The following ISCA1 variants were observed in gnomAD, a reference collection of about 807,000 sequenced individuals.
ISCA1 encodes the protein iron-sulfur cluster assembly 1.
In ISCA1, 9 loss-of-function variants were observed where a neutral mutation model predicts 14.7. The ratio of observed to expected loss-of-function variants is 0.61; its 90% CI spans 0.37 to 1.07. The LOEUF (loss-of-function observed/expected upper bound fraction) is 1.07, where lower values mean the gene tolerates loss of function less well. ISCA1 is among the 50% of genes least tolerant of loss of function. ISCA1 has a pLI of 0.01. For synonymous variants in ISCA1, 38 were observed against 54.3 expected (o/e 0.70, Z 1.32); for missense variants, 102 against 150.1 (o/e 0.68, Z 1.67).
intron 3 of ISCA1, among the ~76,000 whole-genome samples, chr9:86,268,863 C>T (rs576918781): frequency 3.9e-5 from 6 of 152,274 alleles, no homozygotes; most frequent in South Asian, 2.1e-4. Context: ...GGCATGGTCT[C>T]GGCTCACTGC....
Position 86,265,931 on chromosome 9 carries a change from T to A in ISCA1, c.*112A>T. The A allele has an allele frequency of 6.7e-7, 1 of 1,483,614 alleles. No individual in the cohort carries two copies. The highest frequency in any genetic ancestry group is 1.1e-5 in the South Asian group (1 of 87,580). The allele number at this position is 1,483,614 out of a possible 1,614,324, so 91.9% of individuals were successfully genotyped here. ...GGAATCCAACACACTGGATTCATTTTCAAGATGTATCACTTTATTTTCCAG... is the reference window on the plus strand; with the variant it reads ...GGAATCCAACACACTGGATTCATTTACAAGATGTATCACTTTATTTTCCAG... On this transcript the variant is annotated 3_prime_UTR_variant, in exon 4 of 4. Transcript: ENST00000375991.
intron 1 of ISCA1, among the ~76,000 whole-genome samples, chr9:86,278,980 C>T (rs921150447): frequency 3.9e-5 from 6 of 152,194 alleles, no homozygotes; most frequent in African/African-American, 1.4e-4. Context: ...CTCTCACGTA[C>T]TTAACCGTTC....
chr9:86,267,149 C>T (rs879426493), intron 3 of ISCA1: 24 of 192,768 alleles, frequency 1.2e-4, no homozygotes, highest in Non-Finnish European at 2.0e-4. Context: ...TGCTTGAGCC[C>T]GGGAGACAGA....
Position 86,266,004 on chromosome 9 carries a change from A to C in ISCA1, c.*39T>G. 6.2e-7 allele frequency: 1 copy of C among 1,611,798 alleles called. No individual in the cohort carries two copies. Among genetic ancestry groups the C allele is most frequent in the East Asian group, 2.2e-5 (1 of 44,890 alleles). Reference sequence around the variant, plus strand: ...TGCAGTGAGCCCCAAAGCTTCCACGAGCTTTCCTGGAACCTACGGCCAGAA... The same window carrying C: ...TGCAGTGAGCCCCAAAGCTTCCACGCGCTTTCCTGGAACCTACGGCCAGAA... On this transcript the variant is annotated 3_prime_UTR_variant, in exon 4 of 4. Transcript: ENST00000375991.
At chr9:86,269,278 C>G (rs570134900) in intron 3 of ISCA1, among the ~76,000 whole-genome samples, 29 of 152,330 alleles carry the variant, frequency 1.9e-4, no homozygotes, top group Admixed American at 6.5e-4. Context: ...AAATCACAAG[C>G]ATTCTTATAC....
intron 3 of ISCA1, among the ~76,000 whole-genome samples, chr9:86,268,482 A>G (rs570072201): frequency 3.3e-5 from 5 of 151,954 alleles, no homozygotes; most frequent in South Asian, 4.1e-4. Flanking sequence ...ACAAAGTAAA[A>G]AAGTTTCAGT....
At chr9:86,282,090 G>T in intron 1 of ISCA1, 1 of 456,748 alleles carries the variant, frequency 2.2e-6, no homozygotes, top group Non-Finnish European at 3.9e-6. Context: ...TCGGCCCCCG[G>T]GGACGCCCAC....
chr9:86,274,670 TAA>T (rs1825419061), intron 1 of ISCA1, among the ~76,000 whole-genome samples: 1 of 152,160 alleles, frequency 6.6e-6, no homozygotes, highest in Non-Finnish European at 1.5e-5. Flanking sequence ...TGTTGATTAT[TAA>T]TCCTACTGCT....
At chr9:86,271,395 T>C (rs1825367103) in intron 3 of ISCA1, among the ~76,000 whole-genome samples, 1 of 152,200 alleles carries the variant, frequency 6.6e-6, no homozygotes, top group African/African-American at 2.4e-5. Context: ...AGAATGTATC[T>C]CCAATGTTAA....
rs995492179 is a variant in ISCA1 at position 86,282,533 on chromosome 9, C to A, written c.-75G>T. The A allele has an allele frequency of 9.0e-6, 14 of 1,549,036 alleles. No homozygotes were observed. The highest frequency in any genetic ancestry group is 1.7e-6 in the Non-Finnish European group (2 of 1,146,392). ...AGCTTCTCTCCATGGACACGGCGGG[C>A]GCATTGACGCCACAAGCTTCGGCGC... On this transcript the variant is annotated 5_prime_UTR_variant, in exon 1 of 4. Transcript: ENST00000375991.
intron 1 of ISCA1, among the ~76,000 whole-genome samples, chr9:86,275,836 G>C (rs1535759): frequency 0.45 from 67,759 of 151,802 alleles, 15,315 homozygotes; most frequent in Middle Eastern, 0.59. Context: ...GCAGGATTAT[G>C]GTTTTGTTTT....
chr9:86,279,672 T>C (rs1429362264), intron 1 of ISCA1, among the ~76,000 whole-genome samples: 1 of 152,234 alleles, frequency 6.6e-6, no homozygotes, highest in Admixed American at 6.5e-5. Context: ...CTTATCTGTC[T>C]CTACTTATTA....
chr9:86,278,910 C>T (rs962701835), intron 1 of ISCA1, among the ~76,000 whole-genome samples: 4 of 152,076 alleles, frequency 2.6e-5, no homozygotes, highest in Non-Finnish European at 5.9e-5. Flanking sequence ...AGATTTATAA[C>T]GCTGAAACTT....
chr9:86,278,949 A>T (rs1825475914), intron 1 of ISCA1, among the ~76,000 whole-genome samples: 1 of 152,208 alleles, frequency 6.6e-6, no homozygotes, highest in African/African-American at 2.4e-5. Flanking sequence ...CAATGACTAC[A>T]TCCTTCACCA....
intron 1 of ISCA1, among the ~76,000 whole-genome samples, chr9:86,280,633 G>A (rs1467633687): frequency 6.6e-6 from 1 of 150,838 alleles, no homozygotes; most frequent in East Asian, 2.0e-4. Flanking sequence ...GAAGGAAGAG[G>A]TAACATGTCA....
intron 3 of ISCA1, among the ~76,000 whole-genome samples, chr9:86,268,407 C>A (rs1225876692): frequency 9.3e-5 from 11 of 118,130 alleles, no homozygotes; most frequent in South Asian, 2.7e-4. Flanking sequence ...GTTATTTGTA[C>A]AATGTGTTTC....
At chr9:86,268,498 A>G (rs185751529) in intron 3 of ISCA1, among the ~76,000 whole-genome samples, 2 of 151,776 alleles carry the variant, frequency 1.3e-5, no homozygotes, top group African/African-American at 2.4e-5. Context: ...TCAGTAAACT[A>G]AGGTTAATTT....
intron 1 of ISCA1, among the ~76,000 whole-genome samples, chr9:86,281,411 T>C (rs1000695136): frequency 2.6e-5 from 4 of 152,228 alleles, no homozygotes; most frequent in Non-Finnish European, 4.4e-5. Flanking sequence ...TCGTTTTTTT[T>C]CCCAGTCTCT....
chr9:86,272,173 T>G, intron 2 of ISCA1, 61 bp from the exon 3 acceptor site: 1 of 1,008,450 alleles, frequency 9.9e-7, no homozygotes, highest in Admixed American at 2.0e-5. Flanking sequence ...ACAATTATAC[T>G]AATAAAGTGA....
Sources: gnomAD v4.1 joint callset for allele counts (sites outside exome capture counted in the v4.1 genomes callset) on GRCh38, gnomAD v4.1.1 for gene constraint, MANE v1.5 for transcripts, NCBI Gene and HGNC (gene_info 2026-07-23, HGNC 2026-07-21) for gene names.